The following PCNX2 variants were observed in gnomAD, a reference collection of about 807,000 sequenced individuals.
PCNX2 encodes the protein pecanex-like protein 2.
Under a neutral mutation model 223.8 loss-of-function variants are expected in PCNX2, and 168 were observed. The ratio of observed to expected loss-of-function variants is 0.75; its 90% confidence interval spans 0.66 to 0.85. The LOEUF is 0.85. Ranked by LOEUF, PCNX2 falls within the 40% of genes least tolerant of loss-of-function variation. The pLI is 0.00. For missense variants in PCNX2, 2,507 were observed against 2,675.5 expected (o/e 0.94, Z 1.39); for synonymous variants, 1,006 against 1,052.6 (o/e 0.96, Z 0.86).
intron 10 of PCNX2, among the ~76,000 whole-genome samples, chr1:233,218,544 C>T (rs193128260): frequency 3.5e-3 from 532 of 152,160 alleles, no homozygotes; most frequent in Non-Finnish European, 6.3e-3. Flanking sequence ...GCCACCGTGC[C>T]CAGCCAGTTT....
intron 12 of PCNX2, among the ~76,000 whole-genome samples, chr1:233,208,912 T>C (rs1681667330): frequency 7.1e-6 from 1 of 140,378 alleles, no homozygotes; most frequent in South Asian, 2.3e-4. Context: ...AGAATGAGAC[T>C]ATCAAAAAAA....
At chr1:233,072,610 T>C (rs150144785) in intron 23 of PCNX2, among the ~76,000 whole-genome samples, 465 of 152,306 alleles carry the variant, frequency 3.1e-3, no homozygotes, top group Non-Finnish European at 5.5e-3. Context: ...CACAACGTAG[T>C]GTTGTATTTT....
intron 33 of PCNX2, 90 bp from the exon 34 acceptor site, chr1:232,984,567 G>A (rs890629416): frequency 1.4e-5 from 20 of 1,427,504 alleles, no homozygotes; most frequent in Non-Finnish European, 1.8e-5. Flanking sequence ...TGCTGTGGGA[G>A]CTAAAGGCTA....
chr1:233,063,496 T>A (rs1057338800), intron 23 of PCNX2, among the ~76,000 whole-genome samples: 3 of 152,186 alleles, frequency 2.0e-5, no homozygotes, highest in Non-Finnish European at 4.4e-5. Context: ...ATAGAATTCT[T>A]CTATTGGTCA....
At chr1:233,225,217 A>T (rs570986337) in intron 10 of PCNX2, among the ~76,000 whole-genome samples, 1 of 147,354 alleles carries the variant, frequency 6.8e-6, no homozygotes, top group South Asian at 2.2e-4. Context: ...GCCTAATTTT[A>T]TTTATTTTTA....
At chr1:233,194,346 C>T (rs1680594876) in intron 15 of PCNX2, among the ~76,000 whole-genome samples, 1 of 126 alleles carries the variant, frequency 7.9e-3, no homozygotes, top group African/African-American at 0.038. Context: ...CAGACAAAGG[C>T]TGAAAGTTTA....
At chr1:233,246,981 T>C (rs1371939149) in intron 8 of PCNX2, among the ~76,000 whole-genome samples, 1 of 152,228 alleles carries the variant, frequency 6.6e-6, no homozygotes, top group Non-Finnish European at 1.5e-5. Context: ...CAAAGCTTAT[T>C]ACAAATCCAA....
intron 12 of PCNX2, among the ~76,000 whole-genome samples, chr1:233,216,355 T>A (rs528216383): frequency 1.3e-5 from 2 of 152,288 alleles, no homozygotes; most frequent in South Asian, 4.1e-4. Context: ...ATAGGTGAGC[T>A]CAGAGTCTTT....
chr1:233,111,399 ATTAT>A (rs899310193), intron 21 of PCNX2, among the ~76,000 whole-genome samples: 2 of 152,102 alleles, frequency 1.3e-5, no homozygotes, highest in African/African-American at 4.8e-5. Flanking sequence ...TTGTTTCAAA[ATTAT>A]TTATTTTTCA....
chr1:233,161,600 T>C (rs1163216094), intron 17 of PCNX2, among the ~76,000 whole-genome samples: 1 of 152,096 alleles, frequency 6.6e-6, no homozygotes, highest in Admixed American at 6.6e-5. Context: ...AATCACACAC[T>C]GCAAGGTTAG....
At chr1:233,235,957 A>AAAAAAATATATATATATAT (rs369886650) in intron 9 of PCNX2, among the ~76,000 whole-genome samples, 4 of 93,106 alleles carry the variant, frequency 4.3e-5, no homozygotes, top group Admixed American at 1.2e-4. Flanking sequence ...CATAAAAAAA[A>AAAAAAATATATATATATAT]ATATATATAT....
intron 28 of PCNX2, among the ~76,000 whole-genome samples, chr1:233,002,662 T>C (rs1215458316): frequency 6.6e-6 from 1 of 152,180 alleles, no homozygotes; most frequent in African/African-American, 2.4e-5. Flanking sequence ...ATATTTTAAT[T>C]TCATATGGAA....
At chr1:233,275,473 G>C (rs558508522) in intron 1 of PCNX2, among the ~76,000 whole-genome samples, 70 of 152,056 alleles carry the variant, frequency 4.6e-4, no homozygotes, top group Non-Finnish European at 8.4e-4. Context: ...AAAGTGCTAG[G>C]ATTACAGGCG....
intron 23 of PCNX2, among the ~76,000 whole-genome samples, chr1:233,084,352 A>G (rs1673498594): frequency 6.6e-6 from 1 of 152,230 alleles, no homozygotes; most frequent in Non-Finnish European, 1.5e-5. Flanking sequence ...GACCAGTCAC[A>G]CAGAGTGATT....
intron 15 of PCNX2, among the ~76,000 whole-genome samples, chr1:233,184,767 C>T (rs1679995504): frequency 6.6e-6 from 1 of 152,084 alleles, no homozygotes; most frequent in South Asian, 2.1e-4. Flanking sequence ...GCCACAGGGG[C>T]AGGAAGAAGG....
In PCNX2 at chr1:233,263,032, G is replaced by A. The variant is rs1660139530; in HGVS notation, c.285C>T (p.Pro95=). 1.9e-6 allele frequency: 3 copies of A among 1,613,678 alleles called. No homozygotes were observed. The highest frequency in any genetic ancestry group is 2.5e-6 in the Non-Finnish European group (3 of 1,179,812). ...TATTTGGCTTTTCTTCCTTTCTGGA[G>A]GGCTTTTGCTGAATTACTTCTCCTT... ...FDKGEVIQQK[P]SRKEEKPNKD... Residue 95 remains proline, a synonymous_variant, in exon 2 of 34, where the codon CCC becomes CCT. Coordinates refer to ENST00000258229, the MANE Select transcript of PCNX2 (RefSeq NM_014801.4).
At chr1:233,050,706 G>T (rs1321585655) in intron 25 of PCNX2, among the ~76,000 whole-genome samples, 1 of 152,128 alleles carries the variant, frequency 6.6e-6, no homozygotes, top group East Asian at 1.9e-4. Context: ...AGATTTAAAT[G>T]TAAGACCTCA....
chr1:233,033,087 G>A (rs952075316), intron 25 of PCNX2: 8 of 985,258 alleles, frequency 8.1e-6, no homozygotes, highest in Non-Finnish European at 9.6e-6. Context: ...GTGACCTTTC[G>A]AAGCCCCGGC....
At chr1:233,282,228 CCT>C (rs1661230452) in intron 1 of PCNX2, among the ~76,000 whole-genome samples, 1 of 152,088 alleles carries the variant, frequency 6.6e-6, no homozygotes, top group Non-Finnish European at 1.5e-5. Context: ...CTTTGCCCTG[CCT>C]CTGAGTGTAG....
Sources: allele counts gnomAD v4.1 joint callset (sites outside exome capture counted in the v4.1 genomes callset), GRCh38; gene constraint gnomAD v4.1.1; transcripts MANE v1.5; gene names NCBI Gene and HGNC (gene_info 2026-07-23, HGNC 2026-07-21).